The following HTR1F variants were observed in gnomAD, a reference collection of about 807,000 sequenced individuals.
The protein encoded by HTR1F is 5-hydroxytryptamine receptor 1F.
In HTR1F, 17 loss-of-function variants were observed where a neutral mutation model predicts 24.0. The ratio of observed to expected loss-of-function variants is 0.71; its 90% CI spans 0.48 to 1.06. The LOEUF is 1.06. Among genes scored for constraint, HTR1F ranks in the 50% least tolerant of loss-of-function variants. HTR1F has a pLI of 0.00. For missense variants in HTR1F, 391 were observed against 427.8 expected, an observed-to-expected ratio of 0.91 and a Z score of 0.76; for synonymous variants, 186 against 156.8, an observed-to-expected ratio of 1.19 and a Z score of -1.39.
At chr3:87,814,455 C>A (rs1704215832) in intron 1 of HTR1F, among the ~76,000 whole-genome samples, 1 of 152,040 alleles carries the variant, frequency 6.6e-6, no homozygotes, top group Non-Finnish European at 1.5e-5. Flanking sequence ...TCTATTGTCA[C>A]CATGTTATAC....
At chr3:87,824,496 C>T (rs1258044638) in intron 2 of HTR1F, among the ~76,000 whole-genome samples, 1 of 152,206 alleles carries the variant, frequency 6.6e-6, no homozygotes, top group South Asian at 2.1e-4. Context: ...GTTTCTCTCT[C>T]TATTAGGAAA....
At chr3:87,808,495 CT>C (rs1204692599) in intron 1 of HTR1F, among the ~76,000 whole-genome samples, 1 of 150,870 alleles carries the variant, frequency 6.6e-6, no homozygotes, top group Non-Finnish European at 1.5e-5. Flanking sequence ...TTGCCTGGGC[CT>C]TCTTTCTTTT....
chr3:87,934,421 G>T (rs951669471), intron 2 of HTR1F, among the ~76,000 whole-genome samples: 6 of 152,148 alleles, frequency 3.9e-5, no homozygotes, highest in African/African-American at 1.4e-4. Context: ...ACCTGGAACT[G>T]CTTTGTCTCT....
chr3:87,793,998 A>T (rs1216097822), intron 1 of HTR1F, among the ~76,000 whole-genome samples: 4 of 151,256 alleles, frequency 2.6e-5, no homozygotes, highest in Admixed American at 2.6e-4. Flanking sequence ...GAGAGAAAAC[A>T]GGAAAACAGT....
intron 2 of HTR1F, among the ~76,000 whole-genome samples, chr3:87,932,758 G>A (rs929300430): frequency 4.6e-5 from 7 of 151,536 alleles, no homozygotes; most frequent in South Asian, 2.1e-4. Context: ...ACTCACAGCC[G>A]AATTCTACCA....
chr3:87,883,501 A>AAGGTC, intron 2 of HTR1F, among the ~76,000 whole-genome samples: 1 of 152,346 alleles, frequency 6.6e-6, no homozygotes, highest in Middle Eastern at 3.4e-3. Flanking sequence ...AAGGCTTCAG[A>AAGGTC]AGGTCAGTAA....
chr3:87,987,653 T>TAAAA (rs1157673902), intron 2 of HTR1F, among the ~76,000 whole-genome samples: 1,374 of 128,802 alleles, frequency 0.011, 204 homozygotes, highest in East Asian at 0.023. Context: ...TATATATATA[T>TAAAA]ATATAAAAAT....
intron 2 of HTR1F, among the ~76,000 whole-genome samples, chr3:87,884,830 G>C (rs1705897843): frequency 6.6e-6 from 1 of 152,090 alleles, no homozygotes; most frequent in Non-Finnish European, 1.5e-5. Flanking sequence ...CAATACAGGA[G>C]CACTCAGGTT....
intron 2 of HTR1F, among the ~76,000 whole-genome samples, chr3:87,987,817 T>TTA (rs1204890623): frequency 6.9e-6 from 1 of 143,934 alleles, no homozygotes; most frequent in Non-Finnish European, 1.5e-5. Context: ...TATATATGTA[T>TTA]TATATATATA....
chr3:87,886,005 C>T (rs1705932915), intron 2 of HTR1F, among the ~76,000 whole-genome samples: 1 of 152,112 alleles, frequency 6.6e-6, no homozygotes, highest in Non-Finnish European at 1.5e-5. Context: ...CCAGCATCAT[C>T]CTGATACCAA....
At chr3:87,914,764 G>C (rs913071390) in intron 2 of HTR1F, among the ~76,000 whole-genome samples, 4 of 151,916 alleles carry the variant, frequency 2.6e-5, no homozygotes, top group South Asian at 2.1e-4. Context: ...ACCCACCCTG[G>C]TAGCTGAAGA....
chr3:87,892,197 A>C (rs1444937271), intron 2 of HTR1F, among the ~76,000 whole-genome samples: 1 of 152,226 alleles, frequency 6.6e-6, no homozygotes, highest in Non-Finnish European at 1.5e-5. Flanking sequence ...AATAAGCCAA[A>C]GATTTGTAAT....
chr3:87,977,716 C>T (rs768278678), intron 2 of HTR1F, among the ~76,000 whole-genome samples: 2 of 152,036 alleles, frequency 1.3e-5, no homozygotes, highest in Non-Finnish European at 2.9e-5. Flanking sequence ...CCACTGCTCC[C>T]CACCAAAGCT....
chr3:87,816,872 GTC>G (rs1296386577), intron 1 of HTR1F, among the ~76,000 whole-genome samples: 1 of 151,998 alleles, frequency 6.6e-6, no homozygotes, highest in African/African-American at 2.4e-5. Context: ...TCTTGGTCAA[GTC>G]TCTAAACTTT....
At chr3:87,817,458 G>A (rs1408866445) in intron 1 of HTR1F, among the ~76,000 whole-genome samples, 2 of 152,128 alleles carry the variant, frequency 1.3e-5, no homozygotes, top group African/African-American at 4.8e-5. Context: ...TATTCAATTA[G>A]AAAAGTCAGG....
At chr3:87,941,911 G>A (rs527855140) in intron 2 of HTR1F, among the ~76,000 whole-genome samples, 24 of 152,120 alleles carry the variant, frequency 1.6e-4, no homozygotes, top group African/African-American at 5.1e-4. Context: ...TATTGCAGGG[G>A]CTATTGCATG....
chr3:87,879,772 T>C (rs1705748646), intron 2 of HTR1F, among the ~76,000 whole-genome samples: 1 of 152,158 alleles, frequency 6.6e-6, no homozygotes, highest in African/African-American at 2.4e-5. Context: ...TTGTAAAGTT[T>C]AGTTAAACAA....
intron 2 of HTR1F, among the ~76,000 whole-genome samples, chr3:87,832,560 T>A (rs1334684169): frequency 6.6e-6 from 1 of 152,160 alleles, no homozygotes; most frequent in Non-Finnish European, 1.5e-5. Context: ...ACTCCTGAAC[T>A]CAGGCAGTCC....
At chr3:87,942,280 G>A (rs1411195442) in intron 2 of HTR1F, among the ~76,000 whole-genome samples, 9 of 152,124 alleles carry the variant, frequency 5.9e-5, no homozygotes, top group African/African-American at 1.9e-4. Context: ...GCTGGGGGAA[G>A]TATCTAGTGA....
Sources: gnomAD v4.1 joint callset for allele counts (sites outside exome capture counted in the v4.1 genomes callset) on GRCh38, gnomAD v4.1.1 for gene constraint, MANE v1.5 for transcripts, NCBI Gene and HGNC (gene_info 2026-07-23, HGNC 2026-07-21) for gene names.